RICTOR: variants seen among roughly 807,000 people sequenced by gnomAD.
RICTOR encodes the protein rapamycin-insensitive companion of mTOR.
A neutral mutation model predicts 214.9 loss-of-function variants in RICTOR; 49 were observed. That is an observed-to-expected ratio of 0.23 (90% CI 0.18 to 0.29). The LOEUF is 0.29. RICTOR is among the 10% of genes least tolerant of loss of function. The pLI, the probability that RICTOR is intolerant of heterozygous loss-of-function variation, is 1.00. For missense variants in RICTOR, 1,625 were observed against 2,047.0 expected (o/e 0.79, Z 3.98); for synonymous variants, 717 against 711.3 (o/e 1.01, Z -0.13).
At chr5:39,039,694 C>T (rs1415884138) in intron 2 of RICTOR, among the ~76,000 whole-genome samples, 5 of 152,158 alleles carry the variant, frequency 3.3e-5, no homozygotes, top group Non-Finnish European at 7.4e-5. Flanking sequence ...GACATTTATG[C>T]AGCCAAAAAA....
intron 35 of RICTOR, among the ~76,000 whole-genome samples, 160 bp from the exon 36 acceptor site, chr5:38,944,729 T>G (rs1164505481): frequency 6.6e-6 from 1 of 152,208 alleles, no homozygotes; most frequent in Non-Finnish European, 1.5e-5. Context: ...AGCAGATAGC[T>G]AAGAGGCTCT....
chr5:38,983,595 C>T (rs1430055634), intron 7 of RICTOR, among the ~76,000 whole-genome samples: 2 of 152,130 alleles, frequency 1.3e-5, no homozygotes, highest in Non-Finnish European at 2.9e-5. Flanking sequence ...ACAAAGGAGC[C>T]TTCTAATTAT....
At chr5:39,037,020 T>C (rs1472367494) in intron 2 of RICTOR, among the ~76,000 whole-genome samples, 1 of 152,160 alleles carries the variant, frequency 6.6e-6, no homozygotes, top group Admixed American at 6.5e-5. Context: ...ATACATTCTT[T>C]TCAGCACCAC....
intron 33 of RICTOR, 112 bp downstream of exon 33, chr5:38,946,356 T>G (rs1018169688): frequency 2.1e-5 from 14 of 682,598 alleles, no homozygotes; most frequent in Non-Finnish European, 3.6e-5. Flanking sequence ...ATTTTAAAGT[T>G]GATCCAAAAG....
intron 2 of RICTOR, among the ~76,000 whole-genome samples, chr5:39,062,273 A>G (rs774798685): frequency 1.3e-5 from 2 of 152,112 alleles, no homozygotes; most frequent in Non-Finnish European, 2.9e-5. Flanking sequence ...GTTTCACAAT[A>G]TTCCACTTGC....
At chr5:39,007,357 C>T (rs745652573) in intron 3 of RICTOR, among the ~76,000 whole-genome samples, 2 of 152,122 alleles carry the variant, frequency 1.3e-5, no homozygotes, top group African/African-American at 4.8e-5. Context: ...TCCTAATCTA[C>T]ACTTTTTATA....
Position 38,939,628 on chromosome 5 carries a change from T to C in RICTOR, c.*2676A>G, listed in dbSNP as rs1317821313. On this transcript the variant is annotated 3_prime_UTR_variant, in exon 38 of 38. Transcript: ENST00000357387. Reference sequence around the variant, plus strand: ...AGTTCAATTAGAAATAACAATTCACTTTACGATTAGAAATTCATAGTTTAC... The same window carrying C: ...AGTTCAATTAGAAATAACAATTCACCTTACGATTAGAAATTCATAGTTTAC... 1 of 231,350 alleles carries C rather than the reference T, an allele frequency of 4.3e-6. No individual in the cohort carries two copies. Among genetic ancestry groups the C allele is most frequent in the Non-Finnish European group, 8.5e-6 (1 of 116,994 alleles). The allele number at this position is 231,350 out of a possible 1,614,324, so 14.3% of individuals were successfully genotyped here.
intron 2 of RICTOR, among the ~76,000 whole-genome samples, chr5:39,037,033 C>A (rs1756765568): frequency 2.0e-5 from 3 of 152,088 alleles, no homozygotes; most frequent in Admixed American, 1.3e-4. Flanking sequence ...AGCACCACAC[C>A]ACACCTACTC....
chr5:38,977,714 G>A (rs753667939), intron 9 of RICTOR, among the ~76,000 whole-genome samples: 4 of 148,408 alleles, frequency 2.7e-5, no homozygotes, highest in Non-Finnish European at 4.4e-5. Context: ...TCCTGCCTCA[G>A]CCTCTGGAGT....
intron 2 of RICTOR, among the ~76,000 whole-genome samples, chr5:39,040,555 T>C (rs2150169012): frequency 6.6e-6 from 1 of 152,240 alleles, no homozygotes; most frequent in East Asian, 1.9e-4. Context: ...TGTTTTATAA[T>C]ATAAACAACT....
chr5:38,980,572 T>C (rs1751635089), intron 8 of RICTOR, among the ~76,000 whole-genome samples: 1 of 152,128 alleles, frequency 6.6e-6, no homozygotes, highest in South Asian at 2.1e-4. Flanking sequence ...TGGCTGGGCA[T>C]AGTGGCTCAT....
rs1406193570 is a variant in RICTOR at position 38,939,077 on chromosome 5, A to G, written c.*3227T>C. 3 of 233,012 alleles carry G rather than the reference A, an allele frequency of 1.3e-5. No individual in the cohort carries two copies. Among genetic ancestry groups the G allele is most frequent in the Admixed American group, 5.6e-5 (1 of 17,784 alleles). 14.4% of individuals were successfully genotyped at this position (233,012 alleles called of 1,614,324 possible). A position where few individuals can be genotyped will look rare whatever the true frequency, so the allele number is the denominator to read the frequency against. On this transcript the variant is annotated 3_prime_UTR_variant, in exon 38 of 38. Transcript: ENST00000357387. ...ACCTCACTCTTACCATGCAAAAATA[A>G]CTGCAGTTATAATTTGAATGACAGA... is the stretch of plus-strand genomic sequence containing the variant.
At position 38,938,789 on chromosome 5, in the gene RICTOR, T is replaced by C. The variant is rs1002104773; in HGVS notation, c.*3515A>G. 21 of 232,942 alleles carry C rather than the reference T, an allele frequency of 9.0e-5. No individual in the cohort carries two copies. The highest frequency in any genetic ancestry group is 4.4e-4 in the African/African-American group (20 of 45,326). The allele number at this position is 232,942 out of a possible 1,614,324, so 14.4% of individuals were successfully genotyped here. ...TCTCACTGTAATGACACTCTTGAGA[T>C]TAAGATAGTAACAGTGTATTTTGTT... On this transcript the variant is annotated 3_prime_UTR_variant, in exon 38 of 38. Coordinates refer to ENST00000357387, the MANE Select transcript of RICTOR (RefSeq NM_152756.5).
At chr5:39,040,943 C>T (rs887609866) in intron 2 of RICTOR, among the ~76,000 whole-genome samples, 2 of 152,014 alleles carry the variant, frequency 1.3e-5, no homozygotes, top group African/African-American at 4.8e-5. Context: ...ATATAATAGA[C>T]AGGTAGGTAG....
intron 6 of RICTOR, among the ~76,000 whole-genome samples, chr5:38,995,813 A>C (rs1231112314): frequency 1.3e-5 from 2 of 152,178 alleles, no homozygotes; most frequent in Non-Finnish European, 2.9e-5. Context: ...TCTGAATTTG[A>C]AAAGTCAAAT....
At position 38,941,786 on chromosome 5, in the gene RICTOR, A is replaced by G. The variant is rs1219151206; in HGVS notation, c.*518T>C. On this transcript the variant is annotated 3_prime_UTR_variant, in exon 38 of 38. Coordinates refer to ENST00000357387, the MANE Select transcript of RICTOR (RefSeq NM_152756.5). ...TGTTACAAACATTAAGAAAAACGTG[A>G]AAGGGCCAAAGTTCCCTCTCTAATA... The G allele has an allele frequency of 4.3e-6, 1 of 232,900 alleles. No individual in the cohort carries two copies. 14.4% of individuals were successfully genotyped at this position (232,900 alleles called of 1,614,324 possible). A position where few individuals can be genotyped will look rare whatever the true frequency, so the allele number is the denominator to read the frequency against.
intron 11 of RICTOR, chr5:38,970,313 A>G (rs1343031371): frequency 6.6e-6 from 1 of 152,216 alleles, no homozygotes; most frequent in East Asian, 1.9e-4. Flanking sequence ...ACTACTACAT[A>G]CATCACTTAA....
chr5:39,033,386 C>T (rs1425956642), intron 2 of RICTOR, among the ~76,000 whole-genome samples: 3 of 152,050 alleles, frequency 2.0e-5, no homozygotes, highest in Admixed American at 6.6e-5. Flanking sequence ...GCTTCGGCCT[C>T]CTGAGTAGCT....
At chr5:39,056,650 C>T (rs1758226762) in intron 2 of RICTOR, among the ~76,000 whole-genome samples, 1 of 149,560 alleles carries the variant, frequency 6.7e-6, no homozygotes, top group Admixed American at 6.7e-5. Context: ...AAAGAAAAGG[C>T]AAAACGATTA....
Sources: allele counts gnomAD v4.1 joint callset (sites outside exome capture counted in the v4.1 genomes callset), GRCh38; gene constraint gnomAD v4.1.1; transcripts MANE v1.5; gene names NCBI Gene and HGNC (gene_info 2026-07-23, HGNC 2026-07-21).